PKP4: variants seen among roughly 807,000 people sequenced by gnomAD.
PKP4 encodes plakophilin-4.
Under a neutral mutation model 145.1 loss-of-function variants are expected in PKP4, and 90 were observed. That is an observed-to-expected ratio of 0.62 (90% CI 0.52 to 0.74). The LOEUF is 0.74. Ranked by LOEUF, PKP4 falls within the 30% of genes least tolerant of loss-of-function variation. The pLI, the probability that PKP4 is intolerant of heterozygous loss-of-function variation, is 0.00. For missense variants in PKP4, 1,340 were observed against 1,482.7 expected (o/e 0.90, Z 1.58); for synonymous variants, 563 against 577.2 (o/e 0.98, Z 0.35).
At chr2:158,654,097 G>T (rs2055666861) in intron 11 of PKP4, among the ~76,000 whole-genome samples, 1 of 152,174 alleles carries the variant, frequency 6.6e-6, no homozygotes, top group Admixed American at 6.5e-5. Context: ...GACTAGAGCT[G>T]GTTGTTTTGG....
At chr2:158,476,277 A>T (rs1033724253) in intron 1 of PKP4, among the ~76,000 whole-genome samples, 34 of 152,150 alleles carry the variant, frequency 2.2e-4, no homozygotes, top group Non-Finnish European at 4.6e-4. Context: ...CTGGGATGTC[A>T]TATGATTCCT....
intron 4 of PKP4, among the ~76,000 whole-genome samples, chr2:158,614,702 A>G (rs2051429390): frequency 6.6e-6 from 1 of 152,224 alleles, no homozygotes; most frequent in African/African-American, 2.4e-5. Flanking sequence ...CCAAAAGCAC[A>G]TTATATGAAA....
chr2:158,661,420 G>A lies in PKP4; in HGVS notation c.2181G>A (p.Thr727=), dbSNP rs201736981. 3.0e-5 allele frequency: 49 copies of A among 1,612,660 alleles called. No individual in the cohort carries two copies. In the South Asian group the frequency reaches 3.3e-4, roughly 11 times the overall value. The part of the protein sequence containing the change: ...LVDSLLYVIH[T]CVNTSDYDSK... ...ACTCACTGTTGTATGTGATCCACAC[G>A]TGTGTGAACACATCCGATTACGACA... The change falls in exon 13 of 22, where the codon ACG becomes ACA. Residue 727 remains threonine, a synonymous_variant. Transcript: ENST00000389759.
chr2:158,523,749 A>T (rs1193463113), intron 1 of PKP4, among the ~76,000 whole-genome samples: 2 of 115,038 alleles, frequency 1.7e-5, no homozygotes, highest in Non-Finnish European at 3.4e-5. Flanking sequence ...ATTTAGAAGA[A>T]TGTATAACTA....
chr2:158,666,631 T>G (rs1233978964), intron 16 of PKP4, 68 bp downstream of exon 16: 4 of 1,346,436 alleles, frequency 3.0e-6, no homozygotes, highest in Non-Finnish European at 4.1e-6. Flanking sequence ...ACTCTTCTTT[T>G]GATTAATAAA....
intron 2 of PKP4, among the ~76,000 whole-genome samples, chr2:158,536,660 G>A (rs3771593): frequency 0.2 from 29,739 of 152,196 alleles, 3,786 homozygotes; most frequent in Middle Eastern, 0.34. Flanking sequence ...CCAGAAGCTA[G>A]CTGTTCCTTG....
intron 1 of PKP4, among the ~76,000 whole-genome samples, chr2:158,483,286 T>A (rs1219189090): frequency 6.6e-6 from 1 of 152,198 alleles, no homozygotes; most frequent in African/African-American, 2.4e-5. Flanking sequence ...CTCCCCAATT[T>A]CTAATGCTTT....
chr2:158,631,919 G>A lies in PKP4; in HGVS notation c.1320G>A (p.Thr440=), dbSNP rs184996602. ...CTGTGGAGCTCCAAGGATCGCAGAC[G>A]GCGTTGTATCGCACAGGTTCAGGTG... ...HGTVELQGSQ[T]ALYRTGSVGI... Residue 440 remains threonine, a synonymous_variant, in exon 8 of 22, where the codon ACG becomes ACA. Transcript: ENST00000389759. 12 of 1,613,870 alleles carry A rather than the reference G, an allele frequency of 7.4e-6. No homozygotes were observed. The highest frequency in any genetic ancestry group is 4.5e-5 in the East Asian group (2 of 44,880).
chr2:158,606,702 GT>G (rs1033486944), intron 4 of PKP4, among the ~76,000 whole-genome samples: 9 of 152,086 alleles, frequency 5.9e-5, no homozygotes, highest in African/African-American at 2.2e-4. Flanking sequence ...ACATTTGCCA[GT>G]TTTTTTCATG....
At chr2:158,498,270 G>A (rs759518125) in intron 1 of PKP4, among the ~76,000 whole-genome samples, 10 of 152,134 alleles carry the variant, frequency 6.6e-5, no homozygotes, top group Non-Finnish European at 1.0e-4. Context: ...ATACAGGCAT[G>A]TGCTACCAGG....
chr2:158,552,279 C>T (rs1021197863), intron 2 of PKP4, among the ~76,000 whole-genome samples: 3 of 152,198 alleles, frequency 2.0e-5, no homozygotes, highest in African/African-American at 7.2e-5. Context: ...ACCTTGATTT[C>T]GGCCCAGTGA....
intron 11 of PKP4, 150 bp from the exon 12 acceptor site, chr2:158,657,981 T>C: frequency 1.7e-6 from 1 of 596,396 alleles, no homozygotes; most frequent in East Asian, 2.9e-5. Context: ...CAAAACTCAT[T>C]AGAGGTCTAT....
chr2:158,603,737 T>C (rs2050419476), intron 4 of PKP4, among the ~76,000 whole-genome samples: 2 of 152,210 alleles, frequency 1.3e-5, no homozygotes, highest in African/African-American at 4.8e-5. Context: ...GGCAGAGTGA[T>C]GGGCATAACA....
intron 1 of PKP4, among the ~76,000 whole-genome samples, chr2:158,477,516 G>T (rs1692669783): frequency 6.6e-6 from 1 of 152,190 alleles, no homozygotes; most frequent in Non-Finnish European, 1.5e-5. Flanking sequence ...CTGTACCGTT[G>T]AGTTAGTAAT....
At chr2:158,600,913 GTA>G in intron 3 of PKP4, among the ~76,000 whole-genome samples, 1 of 152,224 alleles carries the variant, frequency 6.6e-6, no homozygotes, top group Non-Finnish European at 1.5e-5. Flanking sequence ...TTATATTTTG[GTA>G]ACCAAAGGTC....
At chr2:158,473,415 C>T (rs1236721488) in intron 1 of PKP4, among the ~76,000 whole-genome samples, 2 of 152,136 alleles carry the variant, frequency 1.3e-5, no homozygotes, top group African/African-American at 4.8e-5. Flanking sequence ...ACCTAAATGC[C>T]CATCAGTGGC....
intron 3 of PKP4, among the ~76,000 whole-genome samples, chr2:158,600,324 A>G (rs1020597352): frequency 6.6e-6 from 1 of 152,324 alleles, no homozygotes; most frequent in African/African-American, 2.4e-5. Flanking sequence ...TTCACATTCC[A>G]GTGGAAGCTC....
chr2:158,487,471 G>T (rs140752830), intron 1 of PKP4, among the ~76,000 whole-genome samples: 55 of 152,210 alleles, frequency 3.6e-4, no homozygotes, highest in African/African-American at 1.3e-3. Flanking sequence ...TTAATTTTCT[G>T]ATGTATAAAG....
At chr2:158,563,011 G>C (rs1400369415) in intron 2 of PKP4, among the ~76,000 whole-genome samples, 2 of 152,068 alleles carry the variant, frequency 1.3e-5, no homozygotes, top group Non-Finnish European at 2.9e-5. Flanking sequence ...TCTTTCTAAA[G>C]ATACCAGTTC....
Sources: allele counts gnomAD v4.1 joint callset (sites outside exome capture counted in the v4.1 genomes callset), GRCh38; gene constraint gnomAD v4.1.1; transcripts MANE v1.5; gene names NCBI Gene and HGNC (gene_info 2026-07-23, HGNC 2026-07-21).